ZNF267: variants seen among roughly 807,000 people sequenced by gnomAD.
ZNF267 encodes the protein zinc finger protein 267.
In ZNF267, 61 loss-of-function variants were observed where a neutral mutation model predicts 71.6. The observed-to-expected ratio is 0.85, with a 90% CI of 0.69 to 1.05. The LOEUF is 1.05. Among genes scored for constraint, ZNF267 ranks in the 50% least tolerant of loss-of-function variants. The pLI is 0.00. For missense variants in ZNF267, 852 were observed against 870.0 expected, an observed-to-expected ratio of 0.98 and a Z score of 0.26; for synonymous variants, 288 against 293.2, an observed-to-expected ratio of 0.98 and a Z score of 0.18.
intron 3 of ZNF267, among the ~76,000 whole-genome samples, chr16:31,901,507 G>C (rs1404902192): frequency 1.3e-5 from 2 of 151,874 alleles, no homozygotes; most frequent in Non-Finnish European, 1.5e-5. Context: ...GTGTGAGATG[G>C]TATCTCATTG....
intron 2 of ZNF267, among the ~76,000 whole-genome samples, chr16:31,884,854 G>A (rs561285928): frequency 3.2e-4 from 49 of 152,244 alleles, no homozygotes; most frequent in Non-Finnish European, 5.9e-4. Flanking sequence ...CTAGAAATTG[G>A]TTGACATAAA....
chr16:31,889,238 T>C (rs2083944308), intron 3 of ZNF267, among the ~76,000 whole-genome samples: 1 of 151,588 alleles, frequency 6.6e-6, no homozygotes, highest in Non-Finnish European at 1.5e-5. Flanking sequence ...AGTTTTTTGA[T>C]ATTTTTTATT....
intron 3 of ZNF267, among the ~76,000 whole-genome samples, chr16:31,904,770 A>G (rs1450989089): frequency 2.0e-5 from 3 of 152,162 alleles, no homozygotes; most frequent in Non-Finnish European, 4.4e-5. Flanking sequence ...TAATTGGAGC[A>G]TTTAGCCCGT....
chr16:31,910,346 G>A (rs550954970), intron 3 of ZNF267, among the ~76,000 whole-genome samples: 2 of 151,580 alleles, frequency 1.3e-5, no homozygotes, highest in African/African-American at 4.9e-5. Context: ...TTTAAATGTT[G>A]GGTAGAATTT....
chr16:31,876,739 C>G (rs1041366546), intron 1 of ZNF267, among the ~76,000 whole-genome samples: 1 of 152,212 alleles, frequency 6.6e-6, no homozygotes, highest in African/African-American at 2.4e-5. Context: ...TCTTCCAACA[C>G]TGGGCATTCT....
chr16:31,891,740 C>G (rs535007891), intron 3 of ZNF267, among the ~76,000 whole-genome samples: 1 of 152,328 alleles, frequency 6.6e-6, no homozygotes, highest in Non-Finnish European at 1.5e-5. Flanking sequence ...CCATGTGGAA[C>G]TGTGAGTCCA....
intron 3 of ZNF267, among the ~76,000 whole-genome samples, chr16:31,904,526 T>C (rs1380017106): frequency 1.3e-5 from 2 of 152,254 alleles, no homozygotes; most frequent in Non-Finnish European, 2.9e-5. Context: ...AATTGATCCC[T>C]TTACCATTAT....
chr16:31,903,071 T>C (rs934130695), intron 3 of ZNF267, among the ~76,000 whole-genome samples: 6 of 152,218 alleles, frequency 3.9e-5, no homozygotes, highest in Non-Finnish European at 7.3e-5. Context: ...TTGGTTCTGT[T>C]TATATGCTGG....
chr16:31,914,113 C>T (rs893434480), intron 3 of ZNF267: 2 of 189,156 alleles, frequency 1.1e-5, no homozygotes, highest in African/African-American at 4.7e-5. Flanking sequence ...GCTCCTAAGT[C>T]AGAAGGTGAT....
chr16:31,906,747 C>G lies in ZNF267; in HGVS notation c.227-7729C>G, dbSNP rs117268195. ...TTCCCAGGTGAGGCAGTGCCTCACCCTGCTTCGGCTCACGCACGGTGGGCT... is the reference window on the plus strand; with the variant it reads ...TTCCCAGGTGAGGCAGTGCCTCACCGTGCTTCGGCTCACGCACGGTGGGCT... On this transcript the variant is annotated intron_variant, in intron 3 of 3. Transcript: ENST00000300870. 7.9e-3 allele frequency among the ~76,000 whole-genome samples: 1,198 copies of G among 152,136 alleles called. 56 individuals carry two copies. The East Asian group carries it at 0.15, about 19-fold the overall frequency.
chr16:31,904,427 CT>C (rs1288020580), intron 3 of ZNF267, among the ~76,000 whole-genome samples: 2 of 152,330 alleles, frequency 1.3e-5, no homozygotes, highest in Non-Finnish European at 2.9e-5. Context: ...GTCTAAGTCT[CT>C]TTGTAGGACA....
chr16:31,897,768 G>A (rs2084010968), intron 3 of ZNF267, among the ~76,000 whole-genome samples: 1 of 152,044 alleles, frequency 6.6e-6, no homozygotes, highest in Non-Finnish European at 1.5e-5. Flanking sequence ...CTACATATTT[G>A]TAGACCTGCC....
At position 31,915,598 on chromosome 16, in the gene ZNF267, G is replaced by A; in HGVS notation, c.1349G>A (p.Cys450Tyr). The A allele has an allele frequency of 6.2e-7, 1 of 1,613,284 alleles. No homozygotes were observed. The highest frequency in any genetic ancestry group is 8.5e-7 in the Non-Finnish European group (1 of 1,179,904). The stretch of plus-strand genomic sequence containing the variant: ...GGAAAAGCTTTTAACCGTAGTTCAT[G>A]CCTTACTCAACATCAGACAACTCAT... The part of the protein sequence containing the change: ...ECGKAFNRSS[C>Y]LTQHQTTHTG... Residue 450 changes from cysteine (C) to tyrosine (Y), a missense_variant, in exon 4 of 4, where the codon TGC (cysteine) becomes TAC (tyrosine). Transcript: ENST00000300870.
intron 3 of ZNF267, among the ~76,000 whole-genome samples, chr16:31,894,143 C>T (rs1018458413): frequency 6.6e-6 from 1 of 152,236 alleles, no homozygotes; most frequent in African/African-American, 2.4e-5. Context: ...CTCTTCATGT[C>T]TTCCTTTTGG....
intron 3 of ZNF267, among the ~76,000 whole-genome samples, chr16:31,895,639 T>C (rs1017047518): frequency 1.1e-4 from 17 of 152,198 alleles, no homozygotes; most frequent in African/African-American, 3.6e-4. Flanking sequence ...ATTTTTGTTA[T>C]TATGTTTTGT....
At position 31,916,585 on chromosome 16, in the gene ZNF267, T is replaced by C; in HGVS notation, c.*104T>C. 1 of 1,108,386 alleles carries C rather than the reference T, an allele frequency of 9.0e-7. No homozygotes were observed. The highest frequency in any genetic ancestry group is 1.3e-6 in the Non-Finnish European group (1 of 791,166). The allele number at this position is 1,108,386 out of a possible 1,614,324, so 68.7% of individuals were successfully genotyped here. On this transcript the variant is annotated 3_prime_UTR_variant, in exon 4 of 4. Transcript: ENST00000300870. ...CCCTACAAATGTTAAGAATGTGGCA[T>C]AACCTTTAACTATTTTCAAGCCTTA...
At chr16:31,892,631 T>C (rs951919214) in intron 3 of ZNF267, among the ~76,000 whole-genome samples, 1 of 152,116 alleles carries the variant, frequency 6.6e-6, no homozygotes, top group Non-Finnish European at 1.5e-5. Flanking sequence ...GTGCAGGCAT[T>C]GGGTAGCCAT....
At chr16:31,891,824 C>G (rs1475903316) in intron 3 of ZNF267, among the ~76,000 whole-genome samples, 2 of 152,112 alleles carry the variant, frequency 1.3e-5, no homozygotes, top group Non-Finnish European at 2.9e-5. Flanking sequence ...CGGAGTAATA[C>G]AGTAAATTGG....
chr16:31,907,902 G>C (rs1471549994), intron 3 of ZNF267, among the ~76,000 whole-genome samples: 1 of 152,016 alleles, frequency 6.6e-6, no homozygotes, highest in African/African-American at 2.4e-5. Flanking sequence ...AATTAGCCGG[G>C]TGTGGTGATG....
Sources: gnomAD v4.1 joint callset for allele counts (sites outside exome capture counted in the v4.1 genomes callset) on GRCh38, gnomAD v4.1.1 for gene constraint, MANE v1.5 for transcripts, NCBI Gene and HGNC (gene_info 2026-07-23, HGNC 2026-07-21) for gene names.